TMEM65: variants seen among roughly 807,000 people sequenced by gnomAD.
TMEM65 encodes the protein transmembrane protein 65.
TMEM65 carries 22 observed loss-of-function variants against 25.4 expected under a neutral mutation model. The ratio of observed to expected loss-of-function variants is 0.86; its 90% CI spans 0.62 to 1.23. The LOEUF (loss-of-function observed/expected upper bound fraction) is 1.23. Ranked by LOEUF, TMEM65 falls within the 50% of genes most tolerant of loss-of-function variation. The pLI is 0.00. For missense variants in TMEM65, 262 were observed against 308.2 expected, an observed-to-expected ratio of 0.85 and a Z score of 1.12; for synonymous variants, 132 against 126.2, an observed-to-expected ratio of 1.05 and a Z score of -0.31.
chr8:124,329,835 A>C (rs187196456), intron 2 of TMEM65, among the ~76,000 whole-genome samples: 1 of 152,068 alleles, frequency 6.6e-6, no homozygotes, highest in Non-Finnish European at 1.5e-5. Context: ...AATAGTATAC[A>C]GTATTATGAA....
chr8:124,325,198 A>AT lies in TMEM65; in HGVS notation c.418-1824dup, dbSNP rs200962161. On this transcript the variant is annotated intron_variant, in intron 3 of 6. Transcript: ENST00000297632. ...GAGGAAAACATCAAATGTCTATGGT[A>AT]TAAAAAAAAAGAAGAATCAACTATC... Among the ~76,000 whole-genome samples, 948 of 152,078 alleles carry AT rather than the reference A, an allele frequency of 6.2e-3. 5 individuals carry two copies. Among genetic ancestry groups the AT allele is most frequent in the Admixed American group, 0.012 (180 of 15,250 alleles).
intron 3 of TMEM65, among the ~76,000 whole-genome samples, chr8:124,325,813 A>G (rs1814359866): frequency 6.6e-6 from 1 of 152,062 alleles, no homozygotes; most frequent in African/African-American, 2.4e-5. Context: ...ATCTGGACAT[A>G]AGGCTAGACT....
At chr8:124,341,369 G>A (rs893727491) in intron 1 of TMEM65, among the ~76,000 whole-genome samples, 5 of 151,902 alleles carry the variant, frequency 3.3e-5, no homozygotes, top group Non-Finnish European at 7.4e-5. Flanking sequence ...GATTAGAAGG[G>A]AATTATTTAT....
chr8:124,362,158 C>T (rs1276906938), intron 1 of TMEM65, among the ~76,000 whole-genome samples: 2 of 151,914 alleles, frequency 1.3e-5, no homozygotes, highest in African/African-American at 2.4e-5. Context: ...TCCCAAAGTG[C>T]TGGGATTACA....
intron 1 of TMEM65, among the ~76,000 whole-genome samples, chr8:124,341,780 T>A (rs953898181): frequency 6.6e-6 from 1 of 152,024 alleles, no homozygotes; most frequent in Non-Finnish European, 1.5e-5. Context: ...ATTTTAAACA[T>A]TTGATATTTT....
chr8:124,355,149 C>T (rs756151412), intron 1 of TMEM65, among the ~76,000 whole-genome samples: 21 of 152,006 alleles, frequency 1.4e-4, no homozygotes, highest in African/African-American at 4.8e-4. Context: ...ATCTCTTACA[C>T]GGCATTTATT....
chr8:124,332,954 T>A (rs535902297), intron 1 of TMEM65, among the ~76,000 whole-genome samples: 4 of 151,892 alleles, frequency 2.6e-5, no homozygotes, highest in Non-Finnish European at 5.9e-5. Flanking sequence ...TACAGGTGTG[T>A]GCCACCACAC....
chr8:124,316,672 G>GA (rs1814241549), intron 6 of TMEM65, among the ~76,000 whole-genome samples: 1 of 152,246 alleles, frequency 6.6e-6, no homozygotes, highest in African/African-American at 2.4e-5. Flanking sequence ...AAGAGAAAAT[G>GA]AACCTGCTTT....
intron 1 of TMEM65, among the ~76,000 whole-genome samples, chr8:124,335,416 G>C (rs1412474414): frequency 6.6e-6 from 1 of 152,142 alleles, no homozygotes; most frequent in Non-Finnish European, 1.5e-5. Context: ...AAGGAATAAA[G>C]AGCATCAGAA....
intron 2 of TMEM65, among the ~76,000 whole-genome samples, chr8:124,328,374 A>G (rs1216059216): frequency 5.3e-5 from 8 of 152,050 alleles, no homozygotes; most frequent in Non-Finnish European, 1.0e-4. Context: ...ACTGAACTCT[A>G]GCCTGGCAAC....
chr8:124,336,622 A>G (rs1336488307), intron 1 of TMEM65, among the ~76,000 whole-genome samples: 2 of 152,046 alleles, frequency 1.3e-5, no homozygotes, highest in African/African-American at 4.8e-5. Context: ...AATATTTCAA[A>G]CTGAGTAACA....
rs536756691 is a variant in TMEM65 at position 124,312,604 on chromosome 8, C to T, written c.*1356G>A. The T allele has an allele frequency of 6.6e-6, 1 of 152,004 alleles. No homozygotes were observed. The highest frequency in any genetic ancestry group is 2.1e-4 in the South Asian group (1 of 4,820). 9.4% of individuals were successfully genotyped at this position (152,004 alleles called of 1,614,324 possible). A position where few individuals can be genotyped will look rare whatever the true frequency, so the allele number is the denominator to read the frequency against. On this transcript the variant is annotated 3_prime_UTR_variant, in exon 7 of 7. Coordinates refer to ENST00000297632, the MANE Select transcript of TMEM65 (RefSeq NM_194291.3). ...TTTAATTACGCTGTTACAAGTAAGA[C>T]TAATTTTTTAGCATGTGTAACAGAC...
chr8:124,314,141 T>G, intron 6 of TMEM65, 80 bp from the exon 7 acceptor site: 4 of 1,092,400 alleles, frequency 3.7e-6, no homozygotes, highest in Non-Finnish European at 5.5e-6. Context: ...TCACCAGCTC[T>G]TCTCAATATA....
At chr8:124,337,002 A>C (rs1814516819) in intron 1 of TMEM65, among the ~76,000 whole-genome samples, 1 of 151,874 alleles carries the variant, frequency 6.6e-6, no homozygotes, top group Non-Finnish European at 1.5e-5. Context: ...GTTACACCCA[A>C]AATTCAACAA....
At position 124,311,587 on chromosome 8, in the gene TMEM65, GA is replaced by G. The variant is rs757506158; in HGVS notation, c.*2372del. On this transcript the variant is annotated 3_prime_UTR_variant, in exon 7 of 7. Coordinates refer to ENST00000297632, the MANE Select transcript of TMEM65 (RefSeq NM_194291.3). ...AACTATGGTTCTTGTGCTCCTAATA[GA>G]GAAGTAGCTAATATGAGAAACAAAC... is the stretch of plus-strand genomic sequence containing the variant. 328 of 152,522 alleles carry G rather than the reference GA, an allele frequency of 2.2e-3. No homozygotes were observed. Among genetic ancestry groups the G allele is most frequent in the Non-Finnish European group, 3.3e-3 (227 of 67,980 alleles). The allele number at this position is 152,522 out of a possible 1,614,324, so 9.4% of individuals were successfully genotyped here.
At chr8:124,348,747 C>T (rs1374413892) in intron 1 of TMEM65, among the ~76,000 whole-genome samples, 1 of 152,080 alleles carries the variant, frequency 6.6e-6, no homozygotes, top group Non-Finnish European at 1.5e-5. Context: ...GATATATTAC[C>T]TTCTTTTTCA....
At position 124,338,136 on chromosome 8, in the gene TMEM65, T is replaced by C. The variant is rs562154640; in HGVS notation, c.305-7344A>G. 1.7e-3 allele frequency among the ~76,000 whole-genome samples: 259 copies of C among 152,230 alleles called. 2 individuals carry two copies. Among genetic ancestry groups the C allele is most frequent in the Non-Finnish European group, 2.9e-3 (196 of 67,966 alleles). On this transcript the variant is annotated intron_variant, in intron 1 of 6. Coordinates refer to ENST00000297632, the MANE Select transcript of TMEM65 (RefSeq NM_194291.3). Reference sequence around the variant, plus strand: ...TCCTATAAAGATATATACACAAAACTGTATTCTGCCTTTTCCACAAAGCAT... The same window carrying C: ...TCCTATAAAGATATATACACAAAACCGTATTCTGCCTTTTCCACAAAGCAT...
chr8:124,356,665 T>C (rs978627689), intron 1 of TMEM65, among the ~76,000 whole-genome samples: 1 of 152,112 alleles, frequency 6.6e-6, no homozygotes, highest in Non-Finnish European at 1.5e-5. Flanking sequence ...TCAGCCCCAA[T>C]ATTCCTCTTA....
intron 3 of TMEM65, among the ~76,000 whole-genome samples, chr8:124,327,025 AC>A (rs986267430): frequency 6.6e-6 from 1 of 152,042 alleles, no homozygotes; most frequent in Admixed American, 6.6e-5. Context: ...ATAATTGCCA[AC>A]ACCATTAAAG....
Sources: allele counts gnomAD v4.1 joint callset (sites outside exome capture counted in the v4.1 genomes callset), GRCh38; gene constraint gnomAD v4.1.1; transcripts MANE v1.5; gene names NCBI Gene and HGNC (gene_info 2026-07-23, HGNC 2026-07-21).